PDE3A: variants seen among roughly 807,000 people sequenced by gnomAD.
PDE3A encodes the protein phosphodiesterase 3A, also known as cGMP-inhibited 3',5'-cyclic phosphodiesterase 3A.
A neutral mutation model predicts 98.3 loss-of-function variants in PDE3A; 43 were observed. The ratio of observed to expected loss-of-function variants is 0.44; its 90% CI spans 0.34 to 0.56. The LOEUF (loss-of-function observed/expected upper bound fraction) is 0.56, where lower values mean the gene tolerates loss of function less well. PDE3A is among the 20% of genes least tolerant of loss of function. PDE3A has a pLI of 0.01. For synonymous variants in PDE3A, 663 were observed against 567.9 expected (o/e 1.17, Z -2.38); for missense variants, 1,427 against 1,440.7 (o/e 0.99, Z 0.15).
At chr12:20,386,235 T>C (rs59637857) in intron 1 of PDE3A, among the ~76,000 whole-genome samples, 3 of 91,672 alleles carry the variant, frequency 3.3e-5, no homozygotes, top group Non-Finnish European at 4.5e-5. Flanking sequence ...AATAAAAATA[T>C]AAATATAAAT....
intron 1 of PDE3A, among the ~76,000 whole-genome samples, chr12:20,532,813 C>T (rs1411241526): frequency 2.6e-5 from 4 of 151,404 alleles, no homozygotes; most frequent in Non-Finnish European, 5.9e-5. Context: ...CTCAGCCTCC[C>T]GAGTAGCTGG....
At chr12:20,668,957 T>A (rs1398045528) in intron 15 of PDE3A, among the ~76,000 whole-genome samples, 2 of 148,676 alleles carry the variant, frequency 1.3e-5, no homozygotes, top group Non-Finnish European at 3.0e-5. Context: ...TTGAAAAAAA[T>A]TTAGAAGAAT....
chr12:20,652,989 G>A (rs961164014), intron 14 of PDE3A, among the ~76,000 whole-genome samples: 3 of 152,092 alleles, frequency 2.0e-5, no homozygotes, highest in Admixed American at 6.6e-5. Flanking sequence ...TCGAAATATG[G>A]AAATGCAGAA....
At chr12:20,576,927 GT>G (rs34053941) in intron 2 of PDE3A, among the ~76,000 whole-genome samples, 72 of 148,880 alleles carry the variant, frequency 4.8e-4, no homozygotes, top group South Asian at 4.0e-3. Flanking sequence ...GAAACATGAA[GT>G]TTTTTTTTTT....
At chr12:20,418,008 C>T (rs962688403) in intron 1 of PDE3A, among the ~76,000 whole-genome samples, 4 of 151,882 alleles carry the variant, frequency 2.6e-5, no homozygotes, top group Non-Finnish European at 5.9e-5. Context: ...CTGTCTGTCT[C>T]TGAAGTCCAT....
chr12:20,465,275 A>G (rs1945321163), intron 1 of PDE3A, among the ~76,000 whole-genome samples: 1 of 152,130 alleles, frequency 6.6e-6, no homozygotes, highest in Non-Finnish European at 1.5e-5. Flanking sequence ...ATTGGTTCAT[A>G]TTACGTTGTT....
chr12:20,667,259 C>G (rs1945337921), intron 15 of PDE3A, among the ~76,000 whole-genome samples: 1 of 152,066 alleles, frequency 6.6e-6, no homozygotes, highest in African/African-American at 2.4e-5. Flanking sequence ...ATTTGCTATA[C>G]AGAAGGTTTT....
Position 20,552,610 on chromosome 12 carries a change from T to C in PDE3A, c.961-4050T>C. 6.2e-7 allele frequency: 1 copy of C among 1,613,276 alleles called. No individual in the cohort carries two copies. Among genetic ancestry groups the C allele is most frequent in the Non-Finnish European group, 8.5e-7 (1 of 1,179,714 alleles). On this transcript the variant is annotated intron_variant, in intron 1 of 15. Transcript: ENST00000359062. This position sits in a 1 kb window ranked among gnomAD's most constrained non-coding sequence, Gnocchi z 5.1. ...AGGAGGTGGCCCGAGCAGGGCCGGG[T>C]CCCCGCGCCGGACATCCAAGAAAAC...
intron 1 of PDE3A, among the ~76,000 whole-genome samples, chr12:20,514,212 C>T (rs551852150): frequency 6.6e-6 from 1 of 152,182 alleles, no homozygotes; most frequent in Admixed American, 6.5e-5. Flanking sequence ...AATTAACATA[C>T]TTTAGCCTAT....
In PDE3A at chr12:20,686,374, G is replaced by A. The variant is rs577467255; in HGVS notation, c.*6103G>A. Among the ~76,000 whole-genome samples, 14 of 152,138 alleles carry A rather than the reference G, an allele frequency of 9.2e-5. No homozygotes were observed. The highest frequency in any genetic ancestry group is 2.9e-4 in the African/African-American group (12 of 41,522). On this transcript the variant is annotated 3_prime_UTR_variant, in exon 16 of 16. Coordinates refer to ENST00000359062, the MANE Select transcript of PDE3A (RefSeq NM_000921.5). ...ATTTTACTAAGTTCTAACACAAAAG[G>A]CCAAATACTTATCTTTCCTACTAAG...
intron 1 of PDE3A, among the ~76,000 whole-genome samples, chr12:20,512,259 T>C (rs1946240943): frequency 6.6e-6 from 1 of 151,954 alleles, no homozygotes; most frequent in Non-Finnish European, 1.5e-5. Context: ...AGGGGGCTAG[T>C]GGAGGGGGCA....
At position 20,511,394 on chromosome 12, in the gene PDE3A, C is replaced by T. The variant is rs537679692; in HGVS notation, c.961-45266C>T. Among the ~76,000 whole-genome samples the T allele has an allele frequency of 2.7e-5, 4 of 146,566 alleles. No individual in the cohort carries two copies. The Admixed American group carries it at 2.8e-4, about 10-fold the overall frequency. On this transcript the variant is annotated intron_variant, in intron 1 of 15. Coordinates refer to ENST00000359062, the MANE Select transcript of PDE3A (RefSeq NM_000921.5). The stretch of plus-strand genomic sequence containing the variant: ...AAAAGCTTGGAGTATCTTTTAGTGC[C>T]CATAAATTAGGAAGTGCTCAAATAC...
chr12:20,369,867 C>G lies in PDE3A; in HGVS notation c.583C>G (p.Leu195Val). 6.2e-7 allele frequency: 1 copy of G among 1,612,760 alleles called. No homozygotes were observed. Among genetic ancestry groups the G allele is most frequent in the Non-Finnish European group, 8.5e-7 (1 of 1,179,686 alleles). ...CTCACTCCCCGCCGCGGGGGTGGTG[C>G]TCAGCTGCTTGGCCGCCGCGACATG... ...LLSLPAAGVVLSCLAAATWLV... is the reference protein window; with the variant it reads ...LLSLPAAGVVVSCLAAATWLV... Residue 195 changes from leucine (L) to valine (V), a missense_variant, in exon 1 of 16, where the codon CTC (leucine) becomes GTC (valine). This residue lies in a region of PDE3A where 1,012 missense variants were observed against 886.5 expected (regional missense o/e 1.14). Coordinates refer to ENST00000359062, the MANE Select transcript of PDE3A (RefSeq NM_000921.5).
Position 20,646,945 on chromosome 12 carries a change from C to A in PDE3A, c.2560C>A (p.Pro854Thr). The change falls in exon 12 of 16, where the codon CCT becomes ACT. Residue 854 changes from proline (P) to threonine (T), a missense_variant. Around this residue, in one of 3 missense-constraint regions of PDE3A, gnomAD observed 273 missense variants for 420.3 expected, o/e 0.65. Transcript: ENST00000359062. ...TNAFLVATSA[P>T]QAVLYNDRSV... ...TGCTTTCCTGGTTGCAACTAGTGCTCCTCAGGTAAATCTTTAGATTTTGGT... is the reference window on the plus strand; with the variant it reads ...TGCTTTCCTGGTTGCAACTAGTGCTACTCAGGTAAATCTTTAGATTTTGGT... 6.2e-7 allele frequency: 1 copy of A among 1,608,386 alleles called. No individual in the cohort carries two copies. The highest frequency in any genetic ancestry group is 8.5e-7 in the Non-Finnish European group (1 of 1,175,252).
At chr12:20,419,635 A>C (rs1944478506) in intron 1 of PDE3A, among the ~76,000 whole-genome samples, 1 of 151,964 alleles carries the variant, frequency 6.6e-6, no homozygotes, top group Non-Finnish European at 1.5e-5. Flanking sequence ...TGTAAATATT[A>C]AATTCTCATA....
intron 1 of PDE3A, among the ~76,000 whole-genome samples, chr12:20,529,111 T>C (rs1000827810): frequency 2.6e-5 from 4 of 151,848 alleles, no homozygotes; most frequent in African/African-American, 4.8e-5. Context: ...AATTGAGGAG[T>C]CCCAAATCTC....
At chr12:20,645,205 A>G (rs988052495) in intron 10 of PDE3A, among the ~76,000 whole-genome samples, 1 of 151,972 alleles carries the variant, frequency 6.6e-6, no homozygotes, top group African/African-American at 2.4e-5. Flanking sequence ...GAGTTTCTTT[A>G]AGCTCTTCTG....
intron 1 of PDE3A, among the ~76,000 whole-genome samples, chr12:20,555,980 C>T (rs1256624286): frequency 6.6e-6 from 1 of 152,112 alleles, no homozygotes. Flanking sequence ...AATAAGATTA[C>T]TGACAGATGA....
chr12:20,372,513 T>C (rs979070106), intron 1 of PDE3A, among the ~76,000 whole-genome samples: 1 of 152,142 alleles, frequency 6.6e-6, no homozygotes, highest in African/African-American at 2.4e-5. Flanking sequence ...CACAGTGTAC[T>C]ATCTTATAAG....
Sources: allele counts gnomAD v4.1 joint callset (sites outside exome capture counted in the v4.1 genomes callset), GRCh38; gene constraint gnomAD v4.1.1; regional missense constraint gnomAD v4.1.1; non-coding constraint Gnocchi (gnomAD v3.1); transcripts MANE v1.5; gene names NCBI Gene and HGNC (gene_info 2026-07-23, HGNC 2026-07-21).